Variants in FHIT observed in about 807,000 individuals in gnomAD.
FHIT encodes the protein fragile histidine triad diadenosine triphosphatase, also known as bis(5'-adenosyl)-triphosphatase.
Under a neutral mutation model 17.9 loss-of-function variants are expected in FHIT, and 19 were observed. The observed-to-expected ratio is 1.06, with a 90% CI of 0.74 to 1.56. FHIT has a LOEUF of 1.56. FHIT is among the 40% of genes most tolerant of loss of function. The pLI, the probability that FHIT is intolerant of heterozygous loss-of-function variation, is 0.00. For synonymous variants in FHIT, 81 were observed against 69.7 expected (o/e 1.16, Z -0.81); for missense variants, 248 against 189.2 (o/e 1.31, Z -1.82).
chr3:59,865,215 C>T (rs766880177), intron 8 of FHIT, among the ~76,000 whole-genome samples: 2 of 152,166 alleles, frequency 1.3e-5, no homozygotes, highest in Non-Finnish European at 2.9e-5. Context: ...AAAATTAATA[C>T]TGTGGGATTA....
intron 1 of FHIT, among the ~76,000 whole-genome samples, chr3:61,222,790 C>T (rs760117333): frequency 6.6e-6 from 1 of 152,068 alleles, no homozygotes; most frequent in Non-Finnish European, 1.5e-5. Flanking sequence ...AGGGTGGAAA[C>T]AATGGGGGGA....
chr3:60,090,644 GCTATCTACCA>G (rs1223919248), intron 5 of FHIT, among the ~76,000 whole-genome samples: 6 of 152,158 alleles, frequency 3.9e-5, no homozygotes, highest in African/African-American at 1.4e-4. Flanking sequence ...CCCTTTCTCT[GCTATCTACCA>G]CTAGAGTGAC....
chr3:60,696,980 A>T (rs1181040546), intron 4 of FHIT, among the ~76,000 whole-genome samples: 1 of 152,164 alleles, frequency 6.6e-6, no homozygotes, highest in East Asian at 1.9e-4. Context: ...GAGTGCACTC[A>T]TTAAGATTTC....
chr3:60,752,739 T>C lies in FHIT; in HGVS notation c.-18+69180A>G, dbSNP rs577160702. ...TAAAATATGTTTCTCAAAACTTAAC[T>C]TTTTAAGAAATCAGTCACTGGTTTA... On this transcript the variant is annotated intron_variant, in intron 4 of 9. Transcript: ENST00000492590. Among the ~76,000 whole-genome samples, 182 of 152,278 alleles carry C rather than the reference T, an allele frequency of 1.2e-3. 1 individual carries two copies. The highest frequency in any genetic ancestry group is 4.2e-3 in the African/African-American group (173 of 41,560).
chr3:60,095,787 G>A (rs893001644), intron 5 of FHIT, among the ~76,000 whole-genome samples: 12 of 152,148 alleles, frequency 7.9e-5, no homozygotes, highest in African/African-American at 2.7e-4. Context: ...CATTCTAGTT[G>A]GCCTATCTGG....
At chr3:60,023,387 T>TG (rs1700621826) in intron 5 of FHIT, among the ~76,000 whole-genome samples, 1 of 152,216 alleles carries the variant, frequency 6.6e-6, no homozygotes, top group African/African-American at 2.4e-5. Flanking sequence ...GGGAGTGCCC[T>TG]GAGCACATAC....
chr3:60,009,165 A>ATGTGTGTGTGTGTG (rs753809976), intron 7 of FHIT, among the ~76,000 whole-genome samples: 11 of 54,098 alleles, frequency 2.0e-4, no homozygotes, highest in African/African-American at 4.2e-4. Context: ...CTGGGATTTT[A>ATGTGTGTGTGTGTG]TGTGTGTGTG....
chr3:60,313,778 C>G (rs1437229464), intron 5 of FHIT, among the ~76,000 whole-genome samples: 1 of 152,122 alleles, frequency 6.6e-6, no homozygotes, highest in Non-Finnish European at 1.5e-5. Context: ...GAGGTTAGAT[C>G]TTTCTAATCT....
intron 4 of FHIT, among the ~76,000 whole-genome samples, chr3:60,621,871 C>CA (rs10596787): frequency 3.5e-3 from 482 of 137,102 alleles, no homozygotes; most frequent in South Asian, 5.0e-3. Flanking sequence ...AGACACTCTC[C>CA]AAAAAAAAAA....
chr3:60,009,403 A>G lies in FHIT; in HGVS notation c.279+1968T>C, dbSNP rs114678620. On this transcript the variant is annotated intron_variant, in intron 7 of 9. Transcript: ENST00000492590. Reference sequence around the variant, plus strand: ...TTAAAAAGTTCAACTTAAGCTAAATAATCAGGGTGATGATAACAATAACCA... The same window carrying G: ...TTAAAAAGTTCAACTTAAGCTAAATGATCAGGGTGATGATAACAATAACCA... Among the ~76,000 whole-genome samples, 592 of 152,280 alleles carry G rather than the reference A, an allele frequency of 3.9e-3. 4 individuals carry two copies. The highest frequency in any genetic ancestry group is 0.012 in the African/African-American group (505 of 41,552).
intron 5 of FHIT, among the ~76,000 whole-genome samples, chr3:60,430,382 C>A (rs1702838819): frequency 6.6e-6 from 1 of 151,888 alleles, no homozygotes; most frequent in East Asian, 1.9e-4. Flanking sequence ...TACAGAAACC[C>A]ACTTCTGACT....
intron 1 of FHIT, among the ~76,000 whole-genome samples, chr3:61,207,958 A>G (rs2039307932): frequency 6.6e-6 from 1 of 152,118 alleles, no homozygotes; most frequent in African/African-American, 2.4e-5. Context: ...ATTTAGTGCT[A>G]TAAATTTCCC....
chr3:59,882,699 G>C (rs1340282596), intron 8 of FHIT, among the ~76,000 whole-genome samples: 1 of 152,148 alleles, frequency 6.6e-6, no homozygotes, highest in Admixed American at 6.5e-5. Context: ...ACACTGTGAG[G>C]AAGAAGACAG....
At chr3:59,956,178 C>G (rs902305219) in intron 7 of FHIT, among the ~76,000 whole-genome samples, 2 of 152,178 alleles carry the variant, frequency 1.3e-5, no homozygotes, top group Non-Finnish European at 2.9e-5. Flanking sequence ...TCAGCAAACT[C>G]TTCTTCCTTA....
chr3:60,421,346 A>G (rs547084176), intron 5 of FHIT, among the ~76,000 whole-genome samples: 198 of 152,220 alleles, frequency 1.3e-3, no homozygotes, highest in Non-Finnish European at 2.5e-3. Flanking sequence ...TCCAGCTCAC[A>G]GACTCGCATG....
chr3:60,831,412 G>T (rs1263485265), intron 3 of FHIT, among the ~76,000 whole-genome samples: 1 of 152,080 alleles, frequency 6.6e-6, no homozygotes, highest in Non-Finnish European at 1.5e-5. Context: ...GGACTTGGCA[G>T]TTCAAAAAAA....
chr3:60,230,258 C>T (rs765581725), intron 5 of FHIT, among the ~76,000 whole-genome samples: 7 of 152,072 alleles, frequency 4.6e-5, no homozygotes, highest in Non-Finnish European at 1.0e-4. Context: ...TTTTAAGGGA[C>T]AGCACTAATC....
intron 4 of FHIT, among the ~76,000 whole-genome samples, chr3:60,676,456 T>C (rs2040623375): frequency 6.6e-6 from 1 of 152,198 alleles, no homozygotes; most frequent in African/African-American, 2.4e-5. Context: ...TCTTTATTTG[T>C]TCAACATGTT....
rs115129180 is a variant in FHIT, at chr3:60,547,982, C to T, written c.-17-11003G>A. Among the ~76,000 whole-genome samples the T allele has an allele frequency of 2.7e-3, 406 of 152,168 alleles. 4 individuals carry two copies. The highest frequency in any genetic ancestry group is 9.4e-3 in the African/African-American group (389 of 41,510). ...TGCTTTCAAATGTTATGTTAACATC[C>T]AACTAAAGTAACGAAATCTCTTTTG... On this transcript the variant is annotated intron_variant, in intron 4 of 9. Coordinates refer to ENST00000492590, the MANE Select transcript of FHIT (RefSeq NM_002012.4).
Sources: allele counts gnomAD v4.1 joint callset (sites outside exome capture counted in the v4.1 genomes callset), GRCh38; gene constraint gnomAD v4.1.1; transcripts MANE v1.5; gene names NCBI Gene and HGNC (gene_info 2026-07-23, HGNC 2026-07-21).